PDE9A: variants seen among roughly 807,000 people sequenced by gnomAD.
PDE9A encodes high affinity cGMP-specific 3',5'-cyclic phosphodiesterase 9A.
Under a neutral mutation model 87.4 loss-of-function variants are expected in PDE9A, and 60 were observed. The ratio of observed to expected loss-of-function variants is 0.69; its 90% confidence interval spans 0.56 to 0.85. The LOEUF is 0.85. Ranked by LOEUF, PDE9A falls within the 40% of genes least tolerant of loss-of-function variation. PDE9A has a pLI of 0.00. For missense variants in PDE9A, 665 were observed against 779.0 expected (o/e 0.85, Z 1.74); for synonymous variants, 272 against 279.4 (o/e 0.97, Z 0.27).
chr21:42,769,239 GCACACAGGTA>G, intron 17 of PDE9A, 84 bp downstream of exon 17: 1 of 1,285,486 alleles, frequency 7.8e-7, no homozygotes, highest in Non-Finnish European at 1.1e-6. Context: ...ATACACATAT[GCACACAGGTA>G]CACACAGACA....
In PDE9A at chr21:42,773,827, G is replaced by A. The variant is rs529554053; in HGVS notation, c.1768+1307G>A. ...AAAAATAAAAATAAATAAATAAGCC[G>A]GGCGCAGTGGCTCATGCCTGTAGTC... is the stretch of plus-strand genomic sequence containing the variant. On this transcript the variant is annotated intron_variant, in intron 19 of 19. Coordinates refer to ENST00000291539, the MANE Select transcript of PDE9A (RefSeq NM_002606.3). Among the ~76,000 whole-genome samples the A allele has an allele frequency of 2.7e-3, 377 of 141,750 alleles. 1 individual carries two copies. The highest frequency in any genetic ancestry group is 0.012 in the Middle Eastern group (2 of 164). The allele number at this position is 141,750 out of a possible 152,430, so 93.0% of individuals were successfully genotyped here.
intron 4 of PDE9A, among the ~76,000 whole-genome samples, chr21:42,726,624 A>ATATATATATATATATTTTTTTT: frequency 5.1e-5 from 1 of 19,778 alleles, no homozygotes; most frequent in African/African-American, 3.4e-4. Context: ...ATATATATAT[A>ATATATATATATATATTTTTTTT]TTTTTTTTTT....
At chr21:42,758,879 A>G in intron 10 of PDE9A, 120 bp from the exon 11 acceptor site, 1 of 678,286 alleles carries the variant, frequency 1.5e-6, no homozygotes. Context: ...TGGGAGGGGG[A>G]GAACCCACCT....
chr21:42,661,654 G>C (rs2057509524), intron 1 of PDE9A, among the ~76,000 whole-genome samples: 1 of 152,190 alleles, frequency 6.6e-6, no homozygotes, highest in African/African-American at 2.4e-5. Context: ...CGATGAAACT[G>C]CCTGATATTT....
At chr21:42,747,973 C>T (rs1602437480) in intron 8 of PDE9A, among the ~76,000 whole-genome samples, 1 of 152,174 alleles carries the variant, frequency 6.6e-6, no homozygotes, top group African/African-American at 2.4e-5. Context: ...CCCGTGGCAG[C>T]GGAGCGCAGA....
chr21:42,687,049 T>G (rs1190154976), intron 2 of PDE9A, among the ~76,000 whole-genome samples: 1 of 151,958 alleles, frequency 6.6e-6, no homozygotes, highest in Non-Finnish European at 1.5e-5. Flanking sequence ...CCCACAGGAG[T>G]TAATGTCCTA....
At chr21:42,771,071 C>T (rs2056985854) in intron 18 of PDE9A, among the ~76,000 whole-genome samples, 1 of 152,248 alleles carries the variant, frequency 6.6e-6, no homozygotes, top group Non-Finnish European at 1.5e-5. Flanking sequence ...ACAACTGTCA[C>T]CCACACCTGT....
intron 4 of PDE9A, 177 bp downstream of exon 4, chr21:42,699,188 C>A: frequency 1.7e-6 from 1 of 586,560 alleles, no homozygotes; most frequent in Non-Finnish European, 3.0e-6. Context: ...CATTTGAAGC[C>A]GATACAACTG....
chr21:42,768,143 G>A (rs777164002), intron 15 of PDE9A, 45 bp from the exon 16 acceptor site: 39 of 1,143,082 alleles, frequency 3.4e-5, no homozygotes, highest in African/African-American at 1.2e-4. Context: ...CAGCAGGCCC[G>A]TGTTCTACCT....
chr21:42,655,092 C>G (rs1217842458), intron 1 of PDE9A, among the ~76,000 whole-genome samples: 1 of 151,986 alleles, frequency 6.6e-6, no homozygotes, highest in Non-Finnish European at 1.5e-5. Context: ...GTCACTGCAC[C>G]AGCATGCACA....
intron 3 of PDE9A, chr21:42,690,051 A>C: frequency 5.1e-6 from 5 of 985,402 alleles, no homozygotes; most frequent in Non-Finnish European, 6.0e-6. Context: ...ATGAGGATAC[A>C]GATGGAGAAG....
intron 4 of PDE9A, among the ~76,000 whole-genome samples, chr21:42,727,875 T>G (rs1478562661): frequency 6.6e-6 from 1 of 152,214 alleles, no homozygotes; most frequent in Non-Finnish European, 1.5e-5. Flanking sequence ...TGTTTGCCTT[T>G]TATTTCCTTC....
In PDE9A at chr21:42,765,314, AG is replaced by A. The variant is rs1012364562; in HGVS notation, c.1243-66del. 9 of 847,560 alleles carry A rather than the reference AG, an allele frequency of 1.1e-5. No individual in the cohort carries two copies. In the African/African-American group the frequency reaches 1.5e-4, roughly 14 times the overall value. The allele number at this position is 847,560 out of a possible 1,614,324, so 52.5% of individuals were successfully genotyped here. A position where few individuals can be genotyped will look rare whatever the true frequency, so the allele number is the denominator to read the frequency against. On this transcript the variant is annotated intron_variant, in intron 14 of 19. Coordinates refer to ENST00000291539, the MANE Select transcript of PDE9A (RefSeq NM_002606.3). The stretch of plus-strand genomic sequence containing the variant: ...AATGTGTGCAGGGGGCTCAGTACAC[AG>A]TAGGCCTCCGCTGAATAATTGTTCA...
rs543445306 is a variant in PDE9A, at chr21:42,664,678, G to T, written c.69+10795G>T. On this transcript the variant is annotated intron_variant, in intron 1 of 19. Coordinates refer to ENST00000291539, the MANE Select transcript of PDE9A (RefSeq NM_002606.3). Reference sequence around the variant, plus strand: ...AGAGGAGGGAAAGGAAGGGAGGGAGGGAGGGGGTTCCATTCCCATCCGAAT... The same window carrying T: ...AGAGGAGGGAAAGGAAGGGAGGGAGTGAGGGGGTTCCATTCCCATCCGAAT... Among the ~76,000 whole-genome samples, 365 of 152,244 alleles carry T rather than the reference G, an allele frequency of 2.4e-3. 2 individuals are homozygous for T. Among genetic ancestry groups the T allele is most frequent in the African/African-American group, 8.5e-3 (353 of 41,546 alleles).
chr21:42,654,396 G>A (rs1050288393), intron 1 of PDE9A, among the ~76,000 whole-genome samples: 1 of 152,204 alleles, frequency 6.6e-6, no homozygotes, highest in Non-Finnish European at 1.5e-5. Context: ...AGCGGGTCCG[G>A]CTCTCCCCTG....
rs140836666 is a variant in PDE9A, at chr21:42,762,177, G to T, written c.1180G>T (p.Ala394Ser). The change falls in exon 14 of 20, where the codon GCC (alanine) becomes TCC (serine). Residue 394 changes from alanine (A) to serine (S), a missense_variant. Physicochemically the swap from Ala to Ser is moderately conservative, Grantham distance 99 (BLOSUM62 1). Transcript: ENST00000291539. ...CTGCGCCGTGGCCTTCCAGATCCTC[G>T]CCGAGCCTGAGTGCAACATCTTCTC... is the stretch of plus-strand genomic sequence containing the variant. The part of the protein sequence containing the change: ...HHCAVAFQIL[A>S]EPECNIFSNI... 6.2e-7 allele frequency: 1 copy of T among 1,614,120 alleles called. No individual in the cohort carries two copies. The highest frequency in any genetic ancestry group is 8.5e-7 in the Non-Finnish European group (1 of 1,180,010).
intron 1 of PDE9A, among the ~76,000 whole-genome samples, chr21:42,681,699 C>T (rs1161321414): frequency 6.6e-6 from 1 of 152,202 alleles, no homozygotes; most frequent in Non-Finnish European, 1.5e-5. Flanking sequence ...TCAAACCACA[C>T]AAAAGGGTTT....
chr21:42,742,526 C>T (rs1276523544), intron 7 of PDE9A, among the ~76,000 whole-genome samples: 6 of 131,940 alleles, frequency 4.5e-5, no homozygotes, highest in African/African-American at 8.8e-5. Flanking sequence ...AGTACAGTGG[C>T]GTGATCTCGG....
chr21:42,697,651 C>T (rs2060217887), intron 3 of PDE9A, among the ~76,000 whole-genome samples: 1 of 152,206 alleles, frequency 6.6e-6, no homozygotes, highest in Non-Finnish European at 1.5e-5. Flanking sequence ...GGAGGCCTCT[C>T]TTCCTGGCTT....
Sources: allele counts gnomAD v4.1 joint callset (sites outside exome capture counted in the v4.1 genomes callset), GRCh38; gene constraint gnomAD v4.1.1; transcripts MANE v1.5; gene names NCBI Gene and HGNC (gene_info 2026-07-23, HGNC 2026-07-21).